MYO18A: variants seen among roughly 807,000 people sequenced by gnomAD.
MYO18A encodes the protein unconventional myosin-XVIIIa.
MYO18A carries 78 observed loss-of-function variants against 235.8 expected under a neutral mutation model. That is an observed-to-expected ratio of 0.33 (90% CI 0.28 to 0.40). MYO18A has a LOEUF of 0.40. MYO18A is among the 10% of genes least tolerant of loss of function. The pLI, the probability that MYO18A is intolerant of heterozygous loss-of-function variation, is 1.00. For missense variants in MYO18A, 2,215 were observed against 2,699.3 expected (o/e 0.82, Z 3.98); for synonymous variants, 977 against 1,077.8 (o/e 0.91, Z 1.83).
intron 2 of MYO18A, among the ~76,000 whole-genome samples, chr17:29,160,424 C>A (rs904746038): frequency 6.6e-6 from 1 of 152,236 alleles, no homozygotes; most frequent in Admixed American, 6.5e-5. Context: ...AGAACTTCCT[C>A]CTGCCCCACT....
Position 29,140,483 on chromosome 17 carries a change from C to G in MYO18A, c.1000-18230G>C. ...CCGGCCCCTCCCGTCCCGAGCTGCC[C>G]AGCCCTAGTTGGAGCCAGCAGCCCG... On this transcript the variant is annotated intron_variant, in intron 2 of 41. Coordinates refer to ENST00000527372, the MANE Select transcript of MYO18A (RefSeq NM_078471.4). This position sits in a 1 kb window ranked among gnomAD's most constrained non-coding sequence, Gnocchi z 4.2. 8.5e-7 allele frequency: 1 copy of G among 1,170,500 alleles called. No individual in the cohort carries two copies. Among genetic ancestry groups the G allele is most frequent in the Non-Finnish European group, 1.1e-6 (1 of 922,070 alleles). The allele number at this position is 1,170,500 out of a possible 1,614,324, so 72.5% of individuals were successfully genotyped here.
Position 29,090,064 on chromosome 17 carries a change from T to C in MYO18A, c.5423A>G (p.Glu1808Gly). The change falls in exon 37 of 42, where the codon GAG (glutamate) becomes GGG (glycine). Residue 1808 changes from glutamate (E) to glycine (G), a missense_variant. Glu to Gly is a moderately conservative substitution (Grantham distance 98, BLOSUM62 -2). Transcript: ENST00000527372. ...CAGGGACTTGTCCACCATGGACTGCTCCAGGAACTCCACCTGGCTCTGGAG... is the reference window on the plus strand; with the variant it reads ...CAGGGACTTGTCCACCATGGACTGCCCCAGGAACTCCACCTGGCTCTGGAG... ...QALQSQVEFLEQSMVDKSLVS... is the reference protein window; with the variant it reads ...QALQSQVEFLGQSMVDKSLVS... 6.2e-7 allele frequency: 1 copy of C among 1,613,652 alleles called. No individual in the cohort carries two copies. The highest frequency in any genetic ancestry group is 8.5e-7 in the Non-Finnish European group (1 of 1,179,750).
chr17:29,140,534 A>G lies in MYO18A; in HGVS notation c.1000-18281T>C. 1.6e-6 allele frequency: 1 copy of G among 618,198 alleles called. No individual in the cohort carries two copies. The highest frequency in any genetic ancestry group is 2.0e-5 in the South Asian group (1 of 49,520). 38.3% of individuals were successfully genotyped at this position (618,198 alleles called of 1,614,324 possible). A position where few individuals can be genotyped will look rare whatever the true frequency, so the allele number is the denominator to read the frequency against. Reference sequence around the variant, plus strand: ...GAGGACTTCGGGTATCAGGTATGCCAGGAGGGAGAGGGTGATACAGCAGTG... The same window carrying G: ...GAGGACTTCGGGTATCAGGTATGCCGGGAGGGAGAGGGTGATACAGCAGTG... On this transcript the variant is annotated intron_variant, in intron 2 of 41. Transcript: ENST00000527372. This position sits in a 1 kb window ranked among gnomAD's most constrained non-coding sequence, Gnocchi z 4.2.
intron 2 of MYO18A, among the ~76,000 whole-genome samples, chr17:29,146,717 T>G (rs2067856451): frequency 6.6e-6 from 1 of 152,232 alleles, no homozygotes; most frequent in South Asian, 2.1e-4. Context: ...GGACCAAGGC[T>G]GCCTAGAAGA....
At chr17:29,092,704 G>A (rs1239986764) in intron 33 of MYO18A, 151 bp downstream of exon 33, 8 of 1,135,336 alleles carry the variant, frequency 7.0e-6, no homozygotes, top group Non-Finnish European at 1.0e-5. Flanking sequence ...GCAGAGCCTG[G>A]GGAGTCTAGC....
At chr17:29,162,641 G>A (rs931068402) in intron 2 of MYO18A, among the ~76,000 whole-genome samples, 1 of 152,144 alleles carries the variant, frequency 6.6e-6, no homozygotes, top group African/African-American at 2.4e-5. Flanking sequence ...CATCTCTCCC[G>A]CTTACTATGA....
Position 29,086,963 on chromosome 17 carries a change from G to A in MYO18A, c.5685C>T (p.Ala1895=), listed in dbSNP as rs35265675. The A allele has an allele frequency of 2.5e-3, 4,007 of 1,611,778 alleles. 85 individuals carry two copies. The African/African-American group carries it at 0.047, about 19-fold the overall frequency. The change falls in exon 38 of 42, where the codon GCC becomes GCT. Residue 1895 remains alanine (A), a synonymous_variant. Transcript: ENST00000527372. The stretch of plus-strand genomic sequence containing the variant: ...GTTCGTGCTTCTTGCGGCTCGCCTC[G>A]GCCTCCTTCCTGGCAAGCTCGCCCA... ...EEMGELARKE[A]EASRKKHELE...
intron 2 of MYO18A, chr17:29,129,173 C>A (rs1598351751): frequency 8.3e-7 from 1 of 1,199,722 alleles, no homozygotes; most frequent in East Asian, 5.7e-5. Context: ...TGCCAGGCCT[C>A]CTCCTCACAG....
chr17:29,167,115 C>T, intron 1 of MYO18A, 94 bp from the exon 2 acceptor site: 1 of 861,902 alleles, frequency 1.2e-6, no homozygotes. Flanking sequence ...CTACTCCTCA[C>T]TGGGTGCTAG....
At chr17:29,127,217 C>T (rs1214713908) in intron 2 of MYO18A, among the ~76,000 whole-genome samples, 1 of 152,186 alleles carries the variant, frequency 6.6e-6, no homozygotes, top group Non-Finnish European at 1.5e-5. Context: ...GGCGGCAAAA[C>T]CTGGCAGTTT....
chr17:29,154,086 C>G (rs1348859725), intron 2 of MYO18A, among the ~76,000 whole-genome samples: 1 of 140,100 alleles, frequency 7.1e-6, no homozygotes, highest in Non-Finnish European at 1.6e-5. Flanking sequence ...GGACAACCCA[C>G]TCTAAATTCT....
chr17:29,073,746 G>A lies in MYO18A; in HGVS notation c.*1024C>T, dbSNP rs2065914781. On this transcript the variant is annotated 3_prime_UTR_variant, in exon 42 of 42. Transcript: ENST00000527372. ...TTGTGTCTGGGATAAGTGTGTGGGG[G>A]CAGGGAGGTTGGAAGAATGACACGG... 1.8e-6 allele frequency: 2 copies of A among 1,135,898 alleles called. No individual in the cohort carries two copies. Among genetic ancestry groups the A allele is most frequent in the African/African-American group, 1.6e-5 (1 of 64,514 alleles). 70.4% of individuals were successfully genotyped at this position (1,135,898 alleles called of 1,614,324 possible).
chr17:29,078,337 C>G (rs2066035515), intron 41 of MYO18A: 1 of 152,244 alleles, frequency 6.6e-6, no homozygotes, highest in Non-Finnish European at 1.5e-5. Context: ...TACTATGGAG[C>G]CAACACTGGT....
intron 1 of MYO18A, among the ~76,000 whole-genome samples, chr17:29,176,352 A>G (rs2068526767): frequency 6.6e-6 from 1 of 151,782 alleles, no homozygotes; most frequent in Admixed American, 6.6e-5. Flanking sequence ...GTAAGTGGGG[A>G]CACATTTAAA....
At chr17:29,128,369 C>T (rs573415442) in intron 2 of MYO18A, 6 of 1,285,106 alleles carry the variant, frequency 4.7e-6, no homozygotes, top group African/African-American at 1.5e-5. Flanking sequence ...CACCCGCTTC[C>T]GGGACAGGCC....
At chr17:29,131,543 G>A (rs1209728116) in intron 2 of MYO18A, 1 of 473,408 alleles carries the variant, frequency 2.1e-6, no homozygotes, top group East Asian at 1.5e-4. Context: ...TCACCCTGAG[G>A]TGGAGCTCCT....
At chr17:29,103,075 C>T (rs966538973) in intron 21 of MYO18A, among the ~76,000 whole-genome samples, 3 of 152,394 alleles carry the variant, frequency 2.0e-5, no homozygotes, top group Non-Finnish European at 2.9e-5. Context: ...CAGGGGCCAG[C>T]GTGCCTGCAT....
At chr17:29,130,287 AAAACCC>A (rs1240550171) in intron 2 of MYO18A, among the ~76,000 whole-genome samples, 1 of 145,796 alleles carries the variant, frequency 6.9e-6, no homozygotes, top group Non-Finnish European at 1.5e-5. Context: ...GTGACAGAGT[AAAACCC>A]TGTCTCAAAA....
rs1392980039 is a variant in MYO18A, at chr17:29,109,463, C to G, written c.3331+395G>C. 6.6e-6 allele frequency among the ~76,000 whole-genome samples: 1 copy of G among 152,164 alleles called. No individual in the cohort carries two copies. Among genetic ancestry groups the G allele is most frequent in the East Asian group, 1.9e-4 (1 of 5,198 alleles). On this transcript the variant is annotated intron_variant, in intron 19 of 41. Coordinates refer to ENST00000527372, the MANE Select transcript of MYO18A (RefSeq NM_078471.4). This position sits in a 1 kb window ranked among gnomAD's most constrained non-coding sequence, Gnocchi z 4.1. The stretch of plus-strand genomic sequence containing the variant: ...CCTTTCTTGGGAATTTTAAGTACTT[C>G]AGAAAGATTTAGCACCTCATTTCTC...
Sources: gnomAD v4.1 joint callset for allele counts (sites outside exome capture counted in the v4.1 genomes callset) on GRCh38, gnomAD v4.1.1 for gene constraint, Gnocchi (gnomAD v3.1) non-coding constraint, MANE v1.5 for transcripts, NCBI Gene and HGNC (gene_info 2026-07-23, HGNC 2026-07-21) for gene names.